The following HAMP variants were observed in gnomAD, a reference collection of about 807,000 sequenced individuals.
HAMP encodes the protein hepcidin antimicrobial peptide.
HAMP carries 5 observed loss-of-function variants against 7.8 expected under a neutral mutation model. The observed-to-expected ratio is 0.64, with a 90% CI of 0.33 to 1.34. HAMP has a LOEUF of 1.34. Ranked by LOEUF, HAMP falls within the 40% of genes most tolerant of loss-of-function variation. HAMP has a pLI of 0.05. For synonymous variants in HAMP, 52 were observed against 38.6 expected (o/e 1.35, Z -1.28); for missense variants, 105 against 104.1 (o/e 1.01, Z -0.04).
Position 35,284,854 on chromosome 19 carries a change from C to A in HAMP, c.150+6C>A. The A allele has an allele frequency of 6.2e-7, 1 of 1,612,584 alleles. No individual in the cohort carries two copies. The highest frequency in any genetic ancestry group is 8.5e-7 in the Non-Finnish European group (1 of 1,178,634). On this transcript the variant is annotated splice_donor_region_variant and intron_variant, in intron 2 of 2. Transcript: ENST00000222304. ...GAGCCAGGGCCAGCTGGATGGTGAG[C>A]GCAACAGTGATGCCTTTCCTAGCCC... is the stretch of plus-strand genomic sequence containing the variant.
In HAMP at chr19:35,285,135, T is replaced by A; in HGVS notation, c.*93T>A. The A allele has an allele frequency of 1.2e-6, 1 of 855,782 alleles. No homozygotes were observed. The allele number at this position is 855,782 out of a possible 1,614,324, so 53.0% of individuals were successfully genotyped here. A position where few individuals can be genotyped will look rare whatever the true frequency, so the allele number is the denominator to read the frequency against. ...TGGAATAAAATGGCTGGTTCTTTTG[T>A]TTTCCAAACCAGAGTGTCTGTTGTC... is the stretch of plus-strand genomic sequence containing the variant. On this transcript the variant is annotated 3_prime_UTR_variant, in exon 3 of 3. Coordinates refer to ENST00000222304, the MANE Select transcript of HAMP (RefSeq NM_021175.4).
Position 35,285,056 on chromosome 19 carries a change from T to A in HAMP, c.*14T>A, listed in dbSNP as rs1159254691. 5.3e-6 allele frequency: 8 copies of A among 1,515,122 alleles called. No individual in the cohort carries two copies. Among genetic ancestry groups the A allele is most frequent in the Middle Eastern group, 3.4e-4 (2 of 5,860 alleles). 93.9% of individuals were successfully genotyped at this position (1,515,122 alleles called of 1,614,324 possible). Reference sequence around the variant, plus strand: ...TGCAAGACGTAGAACCTACCTGCCCTGCCCCCGTCCCCTCCCTTCCTTATT... The same window carrying A: ...TGCAAGACGTAGAACCTACCTGCCCAGCCCCCGTCCCCTCCCTTCCTTATT... On this transcript the variant is annotated 3_prime_UTR_variant, in exon 3 of 3. Transcript: ENST00000222304.
chr19:35,283,076 A>C (rs2066311044), intron 1 of HAMP: 1 of 276,984 alleles, frequency 3.6e-6, no homozygotes, highest in East Asian at 8.8e-5. Flanking sequence ...ACAGAGCAAG[A>C]CTCCATCTCC....
Position 35,285,010 on chromosome 19 carries a change from C to G in HAMP, c.223C>G (p.Arg75Gly), listed in dbSNP as rs200488037. The part of the protein sequence containing the change: ...ICIFCCGCCH[R>G]SKCGMCCKT The stretch of plus-strand genomic sequence containing the variant: ...CATTTTCTGCTGCGGCTGCTGTCAT[C>G]GATCAAAGTGTGGGATGTGCTGCAA... The change falls in exon 3 of 3, where the codon CGA becomes GGA. Residue 75 changes from arginine (R) to glycine (G), a missense_variant. By Grantham distance (125) the Arg-to-Gly change is moderately radical. Transcript: ENST00000222304. 3.7e-6 allele frequency: 6 copies of G among 1,613,684 alleles called. No homozygotes were observed. Among genetic ancestry groups the G allele is most frequent in the Non-Finnish European group, 5.1e-6 (6 of 1,179,588 alleles).
chr19:35,283,193 G>A (rs2066311441), intron 1 of HAMP: 1 of 187,524 alleles, frequency 5.3e-6, no homozygotes, highest in African/African-American at 2.3e-5. Flanking sequence ...ATTCTAGACA[G>A]TGGGGACGAG....
At chr19:35,282,832 A>T (rs1329280699) in intron 1 of HAMP, 165 bp downstream of exon 1, 2 of 657,368 alleles carry the variant, frequency 3.0e-6, no homozygotes, top group Non-Finnish European at 5.5e-6. Flanking sequence ...TCATGCCTGT[A>T]ATCCCAGCAC....
chr19:35,282,583 A>C lies in HAMP; in HGVS notation c.6A>C (p.Ala2=). M[A]LSSQIWAACL... The stretch of plus-strand genomic sequence containing the variant: ...ACAGCCAGACAGACGGCACGATGGC[A>C]CTGAGCTCCCAGATCTGGGCCGCTT... The change falls in exon 1 of 3, where the codon GCA becomes GCC. Residue 2 remains alanine (A), a synonymous_variant. Transcript: ENST00000222304. The C allele has an allele frequency of 6.2e-7, 1 of 1,613,722 alleles. No individual in the cohort carries two copies. The highest frequency in any genetic ancestry group is 8.5e-7 in the Non-Finnish European group (1 of 1,179,620).
intron 1 of HAMP, 81 bp downstream of exon 1, chr19:35,282,748 C>T (rs2066309871): frequency 2.8e-6 from 3 of 1,089,754 alleles, no homozygotes; most frequent in Middle Eastern, 4.0e-4. Flanking sequence ...CTGGAGACAC[C>T]CGAGCACTGA....
rs768566070 is a variant in HAMP at position 35,284,954 on chromosome 19, G to T, written c.167G>T (p.Arg56Leu). The T allele has an allele frequency of 2.5e-6, 4 of 1,613,624 alleles. No homozygotes were observed. Among genetic ancestry groups the T allele is most frequent in the Non-Finnish European group, 3.4e-6 (4 of 1,179,738 alleles). ...TTCCCACAGCCCATGTTCCAGAGGCGAAGGAGGCGAGACACCCACTTCCCC... is the reference window on the plus strand; with the variant it reads ...TTCCCACAGCCCATGTTCCAGAGGCTAAGGAGGCGAGACACCCACTTCCCC... ...RASWMPMFQRRRRRDTHFPIC... is the reference protein window; with the variant it reads ...RASWMPMFQRLRRRDTHFPIC... The change falls in exon 3 of 3, where the codon CGA (arginine) becomes CTA (leucine). Residue 56 changes from arginine to leucine, a missense_variant. By Grantham distance (102) the Arg-to-Leu change is moderately radical (BLOSUM62 -2). Coordinates refer to ENST00000222304, the MANE Select transcript of HAMP (RefSeq NM_021175.4).
intron 1 of HAMP, 148 bp from the exon 2 acceptor site, chr19:35,284,641 T>G (rs1599640574): frequency 2.0e-5 from 13 of 640,472 alleles, no homozygotes; most frequent in South Asian, 9.0e-5. Context: ...CATGGGAAGG[T>G]GAGCAGAAGC....
At position 35,284,919 on chromosome 19, in the gene HAMP, A is replaced by G. The variant is rs1318572686; in HGVS notation, c.151-19A>G. The G allele has an allele frequency of 6.2e-7, 1 of 1,609,878 alleles. No homozygotes were observed. Among genetic ancestry groups the G allele is most frequent in the Non-Finnish European group, 8.5e-7 (1 of 1,176,370 alleles). ...ATGCTAAGGCCGGTTCCCTGCTCACATTCCCTTCCTTCCCACAGCCCATGT... is the reference window on the plus strand; with the variant it reads ...ATGCTAAGGCCGGTTCCCTGCTCACGTTCCCTTCCTTCCCACAGCCCATGT... On this transcript the variant is annotated intron_variant, in intron 2 of 2. Coordinates refer to ENST00000222304, the MANE Select transcript of HAMP (RefSeq NM_021175.4).
intron 1 of HAMP, 50 bp downstream of exon 1, chr19:35,282,717 G>A (rs1471051034): frequency 2.1e-6 from 3 of 1,429,902 alleles, no homozygotes; most frequent in Non-Finnish European, 3.0e-6. Flanking sequence ...GGATGGGAGA[G>A]CCAGGCCTCA....
chr19:35,284,920 T>C lies in HAMP; in HGVS notation c.151-18T>C, dbSNP rs2066319513. 3 of 1,609,388 alleles carry C rather than the reference T, an allele frequency of 1.9e-6. No homozygotes were observed. Among genetic ancestry groups the C allele is most frequent in the Non-Finnish European group, 2.6e-6 (3 of 1,175,754 alleles). On this transcript the variant is annotated intron_variant, in intron 2 of 2. Coordinates refer to ENST00000222304, the MANE Select transcript of HAMP (RefSeq NM_021175.4). Reference sequence around the variant, plus strand: ...TGCTAAGGCCGGTTCCCTGCTCACATTCCCTTCCTTCCCACAGCCCATGTT... The same window carrying C: ...TGCTAAGGCCGGTTCCCTGCTCACACTCCCTTCCTTCCCACAGCCCATGTT...
chr19:35,284,407 T>C (rs2145593284), intron 1 of HAMP: 2 of 332,574 alleles, frequency 6.0e-6, no homozygotes, highest in East Asian at 7.3e-5. Context: ...ACTGTGCCAC[T>C]GCACTCTGGC....
intron 1 of HAMP, chr19:35,283,503 A>T (rs2066312953): frequency 6.6e-6 from 1 of 152,314 alleles, no homozygotes; most frequent in Admixed American, 6.5e-5. Context: ...CGTCCCAAGT[A>T]GCTGGGACAG....
At chr19:35,283,368 G>A (rs1443230432) in intron 1 of HAMP, 1 of 153,016 alleles carries the variant, frequency 6.5e-6, no homozygotes, top group East Asian at 1.9e-4. Context: ...ACACAGTAGA[G>A]TCACTTTTTT....
chr19:35,285,095 C>G lies in HAMP; in HGVS notation c.*53C>G. ...CCCTTCCTTATTTATTCCTGCTGCC[C>G]CAGAACATAGGTCTTGGAATAAAAT... On this transcript the variant is annotated 3_prime_UTR_variant, in exon 3 of 3. Coordinates refer to ENST00000222304, the MANE Select transcript of HAMP (RefSeq NM_021175.4). 8.8e-7 allele frequency: 1 copy of G among 1,131,908 alleles called. No individual in the cohort carries two copies. The highest frequency in any genetic ancestry group is 1.4e-6 in the Non-Finnish European group (1 of 739,370). The allele number at this position is 1,131,908 out of a possible 1,614,324, so 70.1% of individuals were successfully genotyped here.
chr19:35,282,553 G>A lies in HAMP; in HGVS notation c.-25G>A, dbSNP rs944843686. On this transcript the variant is annotated 5_prime_UTR_variant, in exon 1 of 3. It adds an upstream start codon to the 5' untranslated region. Transcript: ENST00000222304. ...ACCAGAGCAAGCTCAAGACCCAGCAGTGGGACAGCCAGACAGACGGCACGA... is the reference window on the plus strand; with the variant it reads ...ACCAGAGCAAGCTCAAGACCCAGCAATGGGACAGCCAGACAGACGGCACGA... 3 of 1,597,270 alleles carry A rather than the reference G, an allele frequency of 1.9e-6. No homozygotes were observed. Among genetic ancestry groups the A allele is most frequent in the Admixed American group, 3.3e-5 (2 of 60,000 alleles).
At chr19:35,283,024 GCA>G in intron 1 of HAMP, 1 of 333,320 alleles carries the variant, frequency 3.0e-6, no homozygotes, top group Non-Finnish European at 5.9e-6. Context: ...GGTGGAGGTT[GCA>G]CAGTGAGCTG....
Sources: allele counts gnomAD v4.1 joint callset, GRCh38; gene constraint gnomAD v4.1.1; transcripts MANE v1.5; gene names NCBI Gene and HGNC (gene_info 2026-07-23, HGNC 2026-07-21).